The following ATP8B1 variants were observed in gnomAD, a reference collection of about 807,000 sequenced individuals.
The protein encoded by ATP8B1 is phospholipid-transporting ATPase IC.
ATP8B1 carries 80 observed loss-of-function variants against 149.9 expected under a neutral mutation model. The observed-to-expected ratio is 0.53, with a 90% CI of 0.45 to 0.64. The LOEUF is 0.64. Ranked by LOEUF, ATP8B1 falls within the 30% of genes least tolerant of loss-of-function variation. ATP8B1 has a pLI of 0.00. For synonymous variants in ATP8B1, 536 were observed against 562.8 expected, an observed-to-expected ratio of 0.95 and a Z score of 0.67; for missense variants, 1,247 against 1,552.6, an observed-to-expected ratio of 0.80 and a Z score of 3.31.
intron 16 of ATP8B1, among the ~76,000 whole-genome samples, chr18:57,672,895 TA>T (rs1911303986): frequency 3.0e-5 from 1 of 33,584 alleles, no homozygotes; most frequent in Non-Finnish European, 5.3e-5. Context: ...AGTATATATA[TA>T]TATATATATA....
At chr18:57,682,379 A>T (rs1912025475) in intron 15 of ATP8B1, among the ~76,000 whole-genome samples, 1 of 152,164 alleles carries the variant, frequency 6.6e-6, no homozygotes, top group African/African-American at 2.4e-5. Context: ...AGGGACCCAG[A>T]CTGGGCTGAC....
chr18:57,670,355 CT>C (rs370444079), intron 17 of ATP8B1, among the ~76,000 whole-genome samples: 141 of 139,620 alleles, frequency 1.0e-3, no homozygotes, highest in Admixed American at 1.2e-3. Context: ...TTTTCTTTTT[CT>C]TTTTTTTTTT....
At position 57,770,903 on chromosome 18, in the gene ATP8B1, G is replaced by A. The variant is rs72627262; in HGVS notation, c.-26+32095C>T. ...TTCTGTAACAGAGTCTCGCTCTGTCGCCCAGGCTGGAGTGCAGTGGCACGA... is the reference window on the plus strand; with the variant it reads ...TTCTGTAACAGAGTCTCGCTCTGTCACCCAGGCTGGAGTGCAGTGGCACGA... On this transcript the variant is annotated intron_variant, in intron 1 of 27. Coordinates refer to ENST00000648908, the MANE Select transcript of ATP8B1 (RefSeq NM_001374385.1). 8.4e-3 allele frequency among the ~76,000 whole-genome samples: 1,280 copies of A among 152,258 alleles called. 23 individuals carry two copies. In the East Asian group the frequency reaches 0.089, roughly 11 times the overall value.
intron 3 of ATP8B1, 23 bp from the exon 4 acceptor site, chr18:57,704,691 T>A (rs1263717424): frequency 7.0e-7 from 1 of 1,419,228 alleles, no homozygotes; most frequent in Admixed American, 1.7e-5. Flanking sequence ...ATAAGAGTCA[T>A]TCTAAATGAT....
In ATP8B1 at chr18:57,652,520, G is replaced by A. The variant is rs1459357878; in HGVS notation, c.3225C>T (p.Thr1075=). ...CTGTTATTACAAGAGCAGAGGCAAT[G>A]GTGACGGCAAAAGACTGGTAGTCGG... ...APSDYQSFAV[T]IASALVITVN... Residue 1075 remains threonine (T), a synonymous_variant, in exon 25 of 28, where the codon ACC becomes ACT. Transcript: ENST00000648908. 3 of 1,614,066 alleles carry A rather than the reference G, an allele frequency of 1.9e-6. No homozygotes were observed. In the African/African-American group the frequency reaches 4.0e-5, roughly 22 times the overall value.
rs1205996426 is a variant in ATP8B1, at chr18:57,648,694, G to A, written c.3550C>T (p.Arg1184Trp). 1.9e-6 allele frequency: 3 copies of A among 1,556,072 alleles called. No homozygotes were observed. The highest frequency in any genetic ancestry group is 2.6e-6 in the Non-Finnish European group (3 of 1,150,432). ...TGCCACTGCTCCTCCGCCTTCAACC[G>A]CTTGCGATGCTTCTGGATCTGCAAG... ...ESDKIQKHRK[R>W]LKAEEQWQRR... Residue 1184 changes from arginine (R) to tryptophan (W), a missense_variant, in exon 28 of 28, where the codon CGG (arginine) becomes TGG (tryptophan). By Grantham distance (101) the Arg-to-Trp change is moderately radical. This residue lies in a region of ATP8B1 where 164 missense variants were observed against 160.3 expected (regional missense o/e 1.02). Transcript: ENST00000648908.
chr18:57,663,575 A>C (rs1910646465), intron 20 of ATP8B1, among the ~76,000 whole-genome samples: 1 of 152,136 alleles, frequency 6.6e-6, no homozygotes, highest in African/African-American at 2.4e-5. Flanking sequence ...TTCCTTCAAC[A>C]ATGATTGTTA....
intron 21 of ATP8B1, among the ~76,000 whole-genome samples, chr18:57,661,713 ATTT>A (rs759201755): frequency 0.024 from 2,188 of 92,432 alleles, 25 homozygotes; most frequent in East Asian, 0.074. Context: ...ATATATATAT[ATTT>A]TTTTTTTTTT....
At chr18:57,799,014 A>G (rs1479147117) in intron 1 of ATP8B1, among the ~76,000 whole-genome samples, 1 of 152,262 alleles carries the variant, frequency 6.6e-6, no homozygotes, top group Non-Finnish European at 1.5e-5. Flanking sequence ...CATAGCAACA[A>G]CACAACAATG....
intron 10 of ATP8B1, among the ~76,000 whole-genome samples, 190 bp downstream of exon 10, chr18:57,694,981 G>A (rs1912728336): frequency 8.2e-6 from 1 of 121,538 alleles, no homozygotes; most frequent in African/African-American, 3.2e-5. Flanking sequence ...AGTGAGCTGA[G>A]ATTATGCCAC....
intron 20 of ATP8B1, among the ~76,000 whole-genome samples, chr18:57,663,793 A>T: frequency 8.0e-6 from 1 of 124,424 alleles, no homozygotes. Context: ...TTTGAGGCAG[A>T]GTCTCGCTCT....
chr18:57,791,438 C>A (rs1052114727), intron 1 of ATP8B1, among the ~76,000 whole-genome samples: 1 of 149,712 alleles, frequency 6.7e-6, no homozygotes, highest in Non-Finnish European at 1.5e-5. Context: ...GTAAACTCCG[C>A]CTCCTGAGTT....
intron 25 of ATP8B1, 30 bp from the exon 26 acceptor site, chr18:57,652,202 C>T (rs1568178558): frequency 6.2e-7 from 1 of 1,613,430 alleles, no homozygotes; most frequent in Non-Finnish European, 8.5e-7. Flanking sequence ...AAACAGAGCA[C>T]TCATTTTGGG....
intron 1 of ATP8B1, among the ~76,000 whole-genome samples, chr18:57,776,698 A>AG (rs2080308433): frequency 6.6e-6 from 1 of 152,078 alleles, no homozygotes; most frequent in South Asian, 2.1e-4. Flanking sequence ...AAAAAAAAAA[A>AG]AAAGAAAGAA....
chr18:57,680,534 A>G (rs1911896890), intron 15 of ATP8B1, among the ~76,000 whole-genome samples: 2 of 151,574 alleles, frequency 1.3e-5, no homozygotes, highest in South Asian at 4.2e-4. Flanking sequence ...CAGTGAGCCG[A>G]GATCATGCCA....
intron 1 of ATP8B1, among the ~76,000 whole-genome samples, chr18:57,787,860 C>T (rs2080425117): frequency 6.6e-6 from 1 of 152,006 alleles, no homozygotes; most frequent in African/African-American, 2.4e-5. Flanking sequence ...CTAAAGGGAC[C>T]TATATAGTAT....
Position 57,674,809 on chromosome 18 carries a change from T to C in ATP8B1, c.1819+25A>G, listed in dbSNP as rs1322170110. 8.7e-6 allele frequency: 14 copies of C among 1,612,326 alleles called. No homozygotes were observed. The East Asian group carries it at 1.1e-4, about 13-fold the overall frequency. The stretch of plus-strand genomic sequence containing the variant: ...AAGCAACATCTAAATGAGCGATTCA[T>C]AGACAGACTCTGAGGGGGACTTACC... On this transcript the variant is annotated intron_variant, in intron 16 of 27. Transcript: ENST00000648908.
intron 16 of ATP8B1, among the ~76,000 whole-genome samples, chr18:57,672,893 T>TC (rs1911302952): frequency 3.5e-5 from 1 of 28,908 alleles, no homozygotes; most frequent in African/African-American, 1.5e-4. Context: ...AAAGTATATA[T>TC]ATATATATAT....
intron 2 of ATP8B1, among the ~76,000 whole-genome samples, chr18:57,718,103 T>TAAAAAAAAAAAA (rs59629558): frequency 1.9e-3 from 60 of 31,804 alleles, no homozygotes; most frequent in East Asian, 5.0e-3. Context: ...CTGGACTAAC[T>TAAAAAAAAAAAA]AAAAAAAAAA....
Sources: gnomAD v4.1 joint callset for allele counts (sites outside exome capture counted in the v4.1 genomes callset) on GRCh38, gnomAD v4.1.1 for gene constraint, gnomAD v4.1.1 regional missense constraint, MANE v1.5 for transcripts, NCBI Gene and HGNC (gene_info 2026-07-23, HGNC 2026-07-21) for gene names.